Variants in NUP43 observed in about 807,000 individuals in gnomAD.
NUP43 encodes nucleoporin Nup43.
A neutral mutation model predicts 47.3 loss-of-function variants in NUP43; 32 were observed. The observed-to-expected ratio is 0.68, with a 90% CI of 0.51 to 0.91. The LOEUF is 0.91. Ranked by LOEUF, NUP43 falls within the 40% of genes least tolerant of loss-of-function variation. NUP43 has a pLI of 0.00. For missense variants in NUP43, 444 were observed against 453.9 expected, an observed-to-expected ratio of 0.98 and a Z score of 0.20; for synonymous variants, 147 against 158.4, an observed-to-expected ratio of 0.93 and a Z score of 0.54.
At position 149,726,916 on chromosome 6, in the gene NUP43, A is replaced by C; in HGVS notation, c.*53T>G. On this transcript the variant is annotated 3_prime_UTR_variant, in exon 8 of 8. Transcript: ENST00000340413. ...TACTAAAATTTTGCACAGAAGTTGGATTTCAAAAGGCTAATTGCATGTTCT... is the reference window on the plus strand; with the variant it reads ...TACTAAAATTTTGCACAGAAGTTGGCTTTCAAAAGGCTAATTGCATGTTCT... The C allele has an allele frequency of 6.9e-7, 1 of 1,441,130 alleles. No individual in the cohort carries two copies. 89.3% of individuals were successfully genotyped at this position (1,441,130 alleles called of 1,614,324 possible).
At chr6:149,728,255 G>A in intron 7 of NUP43, 14 of 975,316 alleles carry the variant, frequency 1.4e-5, no homozygotes, top group Non-Finnish European at 1.7e-5. Flanking sequence ...CTAATACTGT[G>A]CCTTGCAATA....
intron 4 of NUP43, among the ~76,000 whole-genome samples, chr6:149,740,729 T>A (rs894592800): frequency 3.3e-5 from 5 of 152,110 alleles, no homozygotes; most frequent in Non-Finnish European, 5.9e-5. Flanking sequence ...AGTTAAAAAA[T>A]TTCCTCAGAG....
chr6:149,738,661 G>T lies in NUP43; in HGVS notation c.620C>A (p.Pro207His). Residue 207 changes from proline (P) to histidine (H), a missense_variant, in exon 5 of 8, where the codon CCT (proline) becomes CAT (histidine). Physicochemically the swap from Pro to His is moderately conservative, Grantham distance 77. Coordinates refer to ENST00000340413, the MANE Select transcript of NUP43 (RefSeq NM_198887.3). ...CACTTACAGTGACAATATCTGAGAAGGCTCATTTCCTTGTTGTCTGAAATC... is the reference window on the plus strand; with the variant it reads ...CACTTACAGTGACAATATCTGAGAATGCTCATTTCCTTGTTGTCTGAAATC... ...IWDFRQQGNE[P>H]SQILSLTGDR... 6.4e-7 allele frequency: 1 copy of T among 1,570,780 alleles called. No individual in the cohort carries two copies. Among genetic ancestry groups the T allele is most frequent in the Non-Finnish European group, 8.6e-7 (1 of 1,162,506 alleles).
At chr6:149,744,913 A>ATTTATTTAT (rs58048803) in intron 2 of NUP43, among the ~76,000 whole-genome samples, 4 of 147,810 alleles carry the variant, frequency 2.7e-5, no homozygotes, top group African/African-American at 1.0e-4. Context: ...TTATTTATTT[A>ATTTATTTAT]TTATTATTAT....
chr6:149,739,645 A>C (rs1341879591), intron 4 of NUP43, among the ~76,000 whole-genome samples: 1 of 151,944 alleles, frequency 6.6e-6, no homozygotes, highest in African/African-American at 2.4e-5. Flanking sequence ...AACTCTTAAG[A>C]TTGTTACCCT....
intron 7 of NUP43, among the ~76,000 whole-genome samples, chr6:149,730,969 A>G (rs971074906): frequency 6.6e-6 from 1 of 151,908 alleles, no homozygotes; most frequent in African/African-American, 2.4e-5. Flanking sequence ...AAAGTATGAT[A>G]AAATTACACA....
chr6:149,735,346 T>A (rs1207042100), intron 6 of NUP43, among the ~76,000 whole-genome samples: 1 of 152,150 alleles, frequency 6.6e-6, no homozygotes, highest in Non-Finnish European at 1.5e-5. Context: ...CATGTGCCAA[T>A]GTGCCTGGCT....
At chr6:149,749,149 T>A (rs1786181921), upstream of NUP43, among the ~76,000 whole-genome samples, 1 of 151,528 alleles carries the variant, frequency 6.6e-6, no homozygotes, top group Non-Finnish European at 1.5e-5. Context: ...TCTTCCACTC[T>A]GAGAGCTTTA....
upstream of NUP43, among the ~76,000 whole-genome samples, chr6:149,748,210 G>C (rs891894169): frequency 3.3e-5 from 5 of 152,148 alleles, no homozygotes; most frequent in African/African-American, 1.2e-4. Context: ...CAGCTACTCG[G>C]GAGGCTGCGG....
intron 6 of NUP43, among the ~76,000 whole-genome samples, chr6:149,735,619 AAC>A (rs1554246076): frequency 3.3e-5 from 5 of 150,414 alleles, no homozygotes. Flanking sequence ...AAAAAAAAAA[AAC>A]ACACACAGAG....
intron 1 of NUP43, 103 bp from the exon 2 acceptor site, chr6:149,746,165 GGT>G: frequency 7.1e-7 from 1 of 1,398,684 alleles, no homozygotes; most frequent in South Asian, 1.3e-5. Flanking sequence ...CATCTCAAAT[GGT>G]ATGGTGAGTT....
chr6:149,746,645 C>T (rs775224502), upstream of NUP43: 5 of 1,579,988 alleles, frequency 3.2e-6, no homozygotes, highest in East Asian at 4.7e-5. Flanking sequence ...CCAGTGTGGG[C>T]ACAGTCAGTA....
At chr6:149,744,458 G>A (rs1785854102) in intron 2 of NUP43, among the ~76,000 whole-genome samples, 1 of 151,280 alleles carries the variant, frequency 6.6e-6, no homozygotes, top group Admixed American at 6.6e-5. Context: ...CACGAGGTGG[G>A]GTTGCAGTGA....
chr6:149,727,248 T>C lies in NUP43; in HGVS notation c.914-50A>G, dbSNP rs752675351. ...AAATCTTTCAAGATGATTTTTATAT[T>C]AGTAAACATTCAAACTTCTACTGAT... On this transcript the variant is annotated intron_variant, in intron 7 of 7. Transcript: ENST00000340413. 3.2e-6 allele frequency: 5 copies of C among 1,558,864 alleles called. No individual in the cohort carries two copies. In the African/African-American group the frequency reaches 4.1e-5, roughly 13 times the overall value.
At chr6:149,737,990 C>G (rs1293223134) in intron 5 of NUP43, among the ~76,000 whole-genome samples, 1 of 152,084 alleles carries the variant, frequency 6.6e-6, no homozygotes, top group Non-Finnish European at 1.5e-5. Context: ...CACGCCCAGC[C>G]TGGCTGAATC....
At chr6:149,741,412 G>T in intron 4 of NUP43, among the ~76,000 whole-genome samples, 1 of 152,272 alleles carries the variant, frequency 6.6e-6, no homozygotes, top group East Asian at 1.9e-4. Context: ...GGCCTCAAAT[G>T]ATCTGCTCGC....
Position 149,746,521 on chromosome 6 carries a change from G to C in NUP43, c.-26C>G, listed in dbSNP as rs771591032. 6.2e-7 allele frequency: 1 copy of C among 1,614,050 alleles called. No homozygotes were observed. Among genetic ancestry groups the C allele is most frequent in the Non-Finnish European group, 8.5e-7 (1 of 1,179,952 alleles). ...GCCGAAAGCGGCCGCAGCAGGTACTGCAAAAAGCAAGCACAGTACGCGCCT... is the reference window on the plus strand; with the variant it reads ...GCCGAAAGCGGCCGCAGCAGGTACTCCAAAAAGCAAGCACAGTACGCGCCT... On this transcript the variant is annotated 5_prime_UTR_variant, in exon 1 of 8. Coordinates refer to ENST00000340413, the MANE Select transcript of NUP43 (RefSeq NM_198887.3).
At chr6:149,727,788 A>G in intron 7 of NUP43, 1 of 984,300 alleles carries the variant, frequency 1.0e-6, no homozygotes, top group Non-Finnish European at 1.2e-6. Context: ...TTTATCTCTA[A>G]CAGCGCACTG....
intron 4 of NUP43, among the ~76,000 whole-genome samples, chr6:149,740,003 C>T (rs1785563921): frequency 6.6e-6 from 1 of 152,128 alleles, no homozygotes; most frequent in African/African-American, 2.4e-5. Flanking sequence ...TAAGTAATGT[C>T]GCCCAGTGCA....
Sources: gnomAD v4.1 joint callset for allele counts (sites outside exome capture counted in the v4.1 genomes callset) on GRCh38, gnomAD v4.1.1 for gene constraint, MANE v1.5 for transcripts, NCBI Gene and HGNC (gene_info 2026-07-23, HGNC 2026-07-21) for gene names.